Variants in SGCD observed in about 807,000 individuals in gnomAD.
SGCD encodes sarcoglycan delta, also known as delta-sarcoglycan.
Under a neutral mutation model 36.6 loss-of-function variants are expected in SGCD, and 18 were observed. The ratio of observed to expected loss-of-function variants is 0.49; its 90% CI spans 0.34 to 0.73. The LOEUF is 0.73. Among genes scored for constraint, SGCD ranks in the 30% least tolerant of loss-of-function variants. The pLI, the probability that SGCD is intolerant of heterozygous loss-of-function variation, is 0.01. For synonymous variants in SGCD, 133 were observed against 130.6 expected (o/e 1.02, Z -0.12); for missense variants, 387 against 346.7 (o/e 1.12, Z -0.92).
chr5:156,689,066 G>T (rs369955856), intron 7 of SGCD, among the ~76,000 whole-genome samples: 1 of 152,148 alleles, frequency 6.6e-6, no homozygotes, highest in East Asian at 1.9e-4. Context: ...AAGACAAAAA[G>T]ACATAGAAGA....
chr5:155,920,932 G>A (rs913438411), intron 1 of SGCD, among the ~76,000 whole-genome samples: 2 of 152,120 alleles, frequency 1.3e-5, no homozygotes, highest in Non-Finnish European at 2.9e-5. Flanking sequence ...TTTACACTTG[G>A]GTCTGGCTGG....
In SGCD at chr5:156,573,903, G is replaced by A. The variant is rs527967928; in HGVS notation, c.295-15328G>A. Among the ~76,000 whole-genome samples, 21 of 152,006 alleles carry A rather than the reference G, an allele frequency of 1.4e-4. No individual in the cohort carries two copies. In the South Asian group the frequency reaches 4.4e-3, roughly 32 times the overall value. On this transcript the variant is annotated intron_variant, in intron 4 of 8. Coordinates refer to ENST00000337851, the MANE Select transcript of SGCD (RefSeq NM_000337.6). ...AGACAGGATCTCACTATGTTGCCCGGGCTGGTCTCAAACTCCTAGCCTCAA... is the reference window on the plus strand; with the variant it reads ...AGACAGGATCTCACTATGTTGCCCGAGCTGGTCTCAAACTCCTAGCCTCAA...
intron 1 of SGCD, among the ~76,000 whole-genome samples, chr5:156,108,084 T>G (rs1230301609): frequency 6.6e-6 from 1 of 152,162 alleles, no homozygotes; most frequent in Admixed American, 6.5e-5. Context: ...GGTATATTGT[T>G]GGCCATTTAA....
chr5:156,685,713 T>C (rs1032900251), intron 7 of SGCD, among the ~76,000 whole-genome samples: 11 of 152,240 alleles, frequency 7.2e-5, no homozygotes, highest in Admixed American at 5.2e-4. Context: ...TTTACTTTAG[T>C]GTCTTGGCAG....
chr5:155,880,480 ACTTGG>A, intron 1 of SGCD, among the ~76,000 whole-genome samples: 1 of 152,308 alleles, frequency 6.6e-6, no homozygotes, highest in East Asian at 1.9e-4. Context: ...TTGAAAATTC[ACTTGG>A]ATACTTTAAC....
At chr5:156,455,449 C>CT (rs33933820) in intron 3 of SGCD, among the ~76,000 whole-genome samples, 10 of 147,712 alleles carry the variant, frequency 6.8e-5, no homozygotes, top group Admixed American at 2.7e-4. Context: ...ATTTCAAAGA[C>CT]TTTTTTTTTT....
intron 3 of SGCD, among the ~76,000 whole-genome samples, chr5:156,216,140 C>T (rs148749682): frequency 3.4e-4 from 51 of 152,064 alleles, no homozygotes; most frequent in Admixed American, 1.8e-3. Flanking sequence ...ATTGAAACAG[C>T]GAGTGGAATT....
At chr5:156,094,685 C>A (rs796697353) in intron 1 of SGCD, among the ~76,000 whole-genome samples, 58 of 152,236 alleles carry the variant, frequency 3.8e-4, no homozygotes, top group African/African-American at 1.3e-3. Context: ...CCCCAAGGGG[C>A]TTCTGGGGAG....
chr5:155,905,631 C>T (rs970404066), intron 1 of SGCD, among the ~76,000 whole-genome samples: 1 of 152,114 alleles, frequency 6.6e-6, no homozygotes, highest in African/African-American at 2.4e-5. Flanking sequence ...AGCCAAGTCT[C>T]AGCTTGAATT....
At chr5:155,776,676 T>C in the SGCD span, among the ~76,000 whole-genome samples, 4 of 126,712 alleles carry the variant, frequency 3.2e-5, no homozygotes, top group Non-Finnish European at 6.8e-5. Context: ...AGCTTCACTA[T>C]GCAGGAAGCA....
chr5:155,894,978 A>T (rs1279483923), intron 1 of SGCD, among the ~76,000 whole-genome samples: 1 of 152,134 alleles, frequency 6.6e-6, no homozygotes, highest in African/African-American at 2.4e-5. Context: ...GATGCCAAAA[A>T]GGTTGAGGAC....
chr5:156,116,658 A>G (rs1490750819), intron 1 of SGCD, among the ~76,000 whole-genome samples: 3 of 152,080 alleles, frequency 2.0e-5, no homozygotes, highest in Non-Finnish European at 2.9e-5. Context: ...CAGACCCTGG[A>G]CTCAAGACTC....
At chr5:155,991,358 A>T (rs1758428916) in intron 1 of SGCD, among the ~76,000 whole-genome samples, 1 of 152,106 alleles carries the variant, frequency 6.6e-6, no homozygotes, top group Admixed American at 6.5e-5. Flanking sequence ...TGTGTAATTG[A>T]TGGGTTAGTA....
At chr5:155,944,803 T>A (rs1052023477) in intron 1 of SGCD, among the ~76,000 whole-genome samples, 4 of 152,306 alleles carry the variant, frequency 2.6e-5, no homozygotes, top group East Asian at 1.9e-4. Flanking sequence ...TTCTTCTCCT[T>A]GTCTTTGTAA....
chr5:156,449,322 T>C (rs929379872), intron 3 of SGCD, among the ~76,000 whole-genome samples: 1 of 152,136 alleles, frequency 6.6e-6, no homozygotes, highest in Non-Finnish European at 1.5e-5. Flanking sequence ...ATCACGTTTG[T>C]TGCACACTAG....
At chr5:156,444,319 G>A (rs753633408) in intron 3 of SGCD, among the ~76,000 whole-genome samples, 7 of 151,662 alleles carry the variant, frequency 4.6e-5, no homozygotes, top group African/African-American at 7.3e-5. Flanking sequence ...GTGTAACTCC[G>A]CAGGAGCCTC....
intron 1 of SGCD, among the ~76,000 whole-genome samples, chr5:155,982,265 C>G (rs544690974): frequency 1.8e-4 from 27 of 152,130 alleles, no homozygotes; most frequent in Non-Finnish European, 2.8e-4. Context: ...GTCTACTTTT[C>G]CCTGATAAGT....
intron 3 of SGCD, among the ~76,000 whole-genome samples, chr5:156,267,366 G>C (rs1376769372): frequency 6.6e-6 from 1 of 152,052 alleles, no homozygotes; most frequent in Admixed American, 6.6e-5. Flanking sequence ...TGGTTCTGAA[G>C]GTTTCAGTTC....
intron 1 of SGCD, among the ~76,000 whole-genome samples, chr5:156,076,792 A>G (rs868704121): frequency 1.3e-5 from 2 of 152,322 alleles, no homozygotes; most frequent in Admixed American, 6.5e-5. Context: ...TAGAGAAAAG[A>G]GGCTGTGTTG....
Sources: gnomAD v4.1 joint callset for allele counts (sites outside exome capture counted in the v4.1 genomes callset) on GRCh38, gnomAD v4.1.1 for gene constraint, MANE v1.5 for transcripts, NCBI Gene and HGNC (gene_info 2026-07-23, HGNC 2026-07-21) for gene names.